The following PHIP variants were observed in gnomAD, a reference collection of about 807,000 sequenced individuals.
PHIP encodes the protein PH-interacting protein.
In PHIP, 54 loss-of-function variants were observed where a neutral mutation model predicts 236.8. The observed-to-expected ratio is 0.23, with a 90% CI of 0.18 to 0.29. The LOEUF (loss-of-function observed/expected upper bound fraction) is 0.29. Ranked by LOEUF, PHIP falls within the 10% of genes least tolerant of loss-of-function variation. PHIP has a pLI of 1.00. For synonymous variants in PHIP, 756 were observed against 718.9 expected (o/e 1.05, Z -0.83); for missense variants, 1,370 against 2,190.8 (o/e 0.63, Z 7.48).
rs185597086 is a variant in PHIP, at chr6:79,049,041, A to G, written c.440-6038T>C. ...GAGAAGGTTTTCATTAATTTTACTTAATTCATTTTTTATCCTCTTTTGACT... is the reference window on the plus strand; with the variant it reads ...GAGAAGGTTTTCATTAATTTTACTTGATTCATTTTTTATCCTCTTTTGACT... On this transcript the variant is annotated intron_variant, in intron 6 of 39. Transcript: ENST00000275034. Among the ~76,000 whole-genome samples the G allele has an allele frequency of 8.6e-5, 13 of 151,914 alleles. No homozygotes were observed. In the East Asian group the frequency reaches 1.4e-3, roughly 16 times the overall value.
chr6:79,020,268 C>G (rs1391445008), intron 9 of PHIP, among the ~76,000 whole-genome samples: 1 of 151,942 alleles, frequency 6.6e-6, no homozygotes, highest in Non-Finnish European at 1.5e-5. Flanking sequence ...ATCTTTTTTA[C>G]TGATACAGAA....
At chr6:79,018,161 A>G (rs1341837490) in intron 10 of PHIP, among the ~76,000 whole-genome samples, 3 of 151,920 alleles carry the variant, frequency 2.0e-5, no homozygotes, top group African/African-American at 7.2e-5. Context: ...ATATTTAAGT[A>G]CTTTTGCTAA....
Position 78,948,811 on chromosome 6 carries a change from C to T in PHIP, c.4054-1036G>A, listed in dbSNP as rs4706745. 6.4e-3 allele frequency among the ~76,000 whole-genome samples: 967 copies of T among 152,228 alleles called. 34 individuals carry two copies. The highest frequency in any genetic ancestry group is 0.057 in the Admixed American group (877 of 15,284). ...ACCTGGCCTGCAGCTTTTCAACAGTCCCTCAGTATGCGACTATATTTTTTG... is the reference window on the plus strand; with the variant it reads ...ACCTGGCCTGCAGCTTTTCAACAGTTCCTCAGTATGCGACTATATTTTTTG... On this transcript the variant is annotated intron_variant, in intron 35 of 39. Coordinates refer to ENST00000275034, the MANE Select transcript of PHIP (RefSeq NM_017934.7).
At chr6:78,990,640 A>G (rs1397468835) in intron 20 of PHIP, among the ~76,000 whole-genome samples, 1 of 152,200 alleles carries the variant, frequency 6.6e-6, no homozygotes, top group African/African-American at 2.4e-5. Context: ...TTAGAATTTC[A>G]TGAGTATGTA....
intron 6 of PHIP, among the ~76,000 whole-genome samples, chr6:79,052,384 G>C (rs1413871614): frequency 6.6e-6 from 1 of 152,182 alleles, no homozygotes; most frequent in Non-Finnish European, 1.5e-5. Flanking sequence ...ACAGAGTAGA[G>C]AAAGGGCAAG....
At position 79,014,849 on chromosome 6, in the gene PHIP, A is replaced by C. The variant is rs966473220; in HGVS notation, c.1524+233T>G. 5.3e-5 allele frequency among the ~76,000 whole-genome samples: 8 copies of C among 151,990 alleles called. No homozygotes were observed. The South Asian group carries it at 1.7e-3, about 31-fold the overall frequency. On this transcript the variant is annotated intron_variant, in intron 15 of 39. Transcript: ENST00000275034. ...TTCCAAAGTTTCACTGCTAAAACTG[A>C]TAAAACTGTATCAGTTATCACAATG...
chr6:78,988,519 G>A (rs1769012645), intron 20 of PHIP, among the ~76,000 whole-genome samples, 170 bp from the exon 21 acceptor site: 1 of 152,164 alleles, frequency 6.6e-6, no homozygotes, highest in Non-Finnish European at 1.5e-5. Flanking sequence ...AGGCTGCAGG[G>A]AGGGATGATT....
At chr6:79,034,424 G>A (rs1771829616) in intron 7 of PHIP, among the ~76,000 whole-genome samples, 1 of 152,074 alleles carries the variant, frequency 6.6e-6, no homozygotes, top group Non-Finnish European at 1.5e-5. Context: ...AGAAAAAAAT[G>A]GCCTACGTAC....
In PHIP at chr6:79,032,828, C is replaced by T. The variant is rs545626692; in HGVS notation, c.601-6664G>A. On this transcript the variant is annotated intron_variant, in intron 7 of 39. Transcript: ENST00000275034. ...AATTACAGGTGAAACAGGAGGTTTTCGATGTACTTTGCCCAGATCCATCAA... is the reference window on the plus strand; with the variant it reads ...AATTACAGGTGAAACAGGAGGTTTTTGATGTACTTTGCCCAGATCCATCAA... Among the ~76,000 whole-genome samples the T allele has an allele frequency of 3.1e-3, 474 of 151,738 alleles. 3 individuals are homozygous for T. The highest frequency in any genetic ancestry group is 0.011 in the African/African-American group (437 of 41,340).
At chr6:79,065,821 A>G (rs1773596209) in intron 4 of PHIP, among the ~76,000 whole-genome samples, 1 of 151,528 alleles carries the variant, frequency 6.6e-6, no homozygotes, top group African/African-American at 2.4e-5. Flanking sequence ...AAACAAAAAT[A>G]TTTTTTAAAA....
rs1278537618 is a variant in PHIP, at chr6:78,939,059, G to C, written c.*1634C>G. The C allele has an allele frequency of 2.0e-5, 3 of 151,508 alleles. No individual in the cohort carries two copies. Among genetic ancestry groups the C allele is most frequent in the African/African-American group, 7.3e-5 (3 of 41,328 alleles). 9.4% of individuals were successfully genotyped at this position (151,508 alleles called of 1,614,324 possible). On this transcript the variant is annotated 3_prime_UTR_variant, in exon 40 of 40. Transcript: ENST00000275034. ...CATTTTTGTACCATACCAGTCCTCA[G>C]AAAATACTACATTCTTTAAATTTTT...
At chr6:78,972,558 C>T (rs763444255) in intron 24 of PHIP, among the ~76,000 whole-genome samples, 2 of 152,120 alleles carry the variant, frequency 1.3e-5, no homozygotes, top group Non-Finnish European at 2.9e-5. Context: ...GAGAAGAAGG[C>T]TTCAGACGAT....
At chr6:79,070,802 T>A (rs1773845118) in intron 4 of PHIP, among the ~76,000 whole-genome samples, 1 of 152,244 alleles carries the variant, frequency 6.6e-6, no homozygotes, top group African/African-American at 2.4e-5. Context: ...TTATAATATC[T>A]AATACAACGT....
In PHIP at chr6:78,941,203, A is replaced by T. The variant is rs1308755079; in HGVS notation, c.4956T>A (p.Gly1652=). The T allele has an allele frequency of 1.2e-6, 2 of 1,613,760 alleles. No homozygotes were observed. Among genetic ancestry groups the T allele is most frequent in the Admixed American group, 3.3e-5 (2 of 59,986 alleles). Residue 1652 remains glycine (G), a synonymous_variant, in exon 40 of 40, where the codon GGT becomes GGA. Transcript: ENST00000275034. Reference sequence around the variant, plus strand: ...TACCCCTTTTCTTGTGTATAATTTCACCACTATTGGTATTAACTTCTACTT... The same window carrying T: ...TACCCCTTTTCTTGTGTATAATTTCTCCACTATTGGTATTAACTTCTACTT... ...KPKVEVNTNS[G]EIIHKKRGRK...
chr6:78,961,836 A>G (rs745343039), intron 30 of PHIP, 26 bp from the exon 31 acceptor site: 8 of 1,561,706 alleles, frequency 5.1e-6, no homozygotes, highest in Admixed American at 1.9e-5. Context: ...AAGTTTGTAA[A>G]TTTATTTTTG....
intron 7 of PHIP, 53 bp downstream of exon 7, chr6:79,042,790 A>G (rs1772291544): frequency 7.6e-7 from 1 of 1,313,166 alleles, no homozygotes; most frequent in Non-Finnish European, 1.0e-6. Context: ...CCTATAAGCA[A>G]TATTTCCTCA....
rs527347879 is a variant in PHIP at position 78,961,583 on chromosome 6, T to A, written c.3656+107A>T. ...TTTTAACATAATCCCCATAATCTTATGTGCATTCCTATATACAAAAAGTTG... is the reference window on the plus strand; with the variant it reads ...TTTTAACATAATCCCCATAATCTTAAGTGCATTCCTATATACAAAAAGTTG... On this transcript the variant is annotated intron_variant, in intron 31 of 39. Coordinates refer to ENST00000275034, the MANE Select transcript of PHIP (RefSeq NM_017934.7). 1.6e-4 allele frequency: 157 copies of A among 1,010,790 alleles called. 3 individuals carry two copies. In the South Asian group the frequency reaches 2.2e-3, roughly 14 times the overall value. The allele number at this position is 1,010,790 out of a possible 1,614,324, so 62.6% of individuals were successfully genotyped here.
chr6:78,977,895 T>C (rs1193382547), intron 24 of PHIP, among the ~76,000 whole-genome samples: 1 of 152,182 alleles, frequency 6.6e-6, no homozygotes, highest in African/African-American at 2.4e-5. Context: ...ATTACCACTT[T>C]ATACTGTAAA....
chr6:79,003,361 G>A (rs1214777560), intron 16 of PHIP, among the ~76,000 whole-genome samples: 16 of 151,886 alleles, frequency 1.1e-4, no homozygotes, highest in Non-Finnish European at 1.9e-4. Context: ...TTGTACCCTA[G>A]ATAAGTACGT....
Sources: gnomAD v4.1 joint callset for allele counts (sites outside exome capture counted in the v4.1 genomes callset) on GRCh38, gnomAD v4.1.1 for gene constraint, MANE v1.5 for transcripts, NCBI Gene and HGNC (gene_info 2026-07-23, HGNC 2026-07-21) for gene names.